The following TPM1 variants were observed in gnomAD, a reference collection of about 807,000 sequenced individuals.
TPM1 encodes tropomyosin alpha-1 chain.
TPM1 carries 24 observed loss-of-function variants against 42.9 expected under a neutral mutation model. The ratio of observed to expected loss-of-function variants is 0.56; its 90% confidence interval spans 0.41 to 0.79. TPM1 has a LOEUF of 0.79. TPM1 is among the 30% of genes least tolerant of loss of function. The pLI, the probability that TPM1 is intolerant of heterozygous loss-of-function variation, is 0.00. For missense variants in TPM1, 158 were observed against 351.8 expected, an observed-to-expected ratio of 0.45 and a Z score of 4.41; for synonymous variants, 136 against 130.1, an observed-to-expected ratio of 1.05 and a Z score of -0.31.
Position 63,042,795 on chromosome 15 carries a change from C to T in TPM1, c.-35C>T. On this transcript the variant is annotated 5_prime_UTR_variant, in exon 1 of 10. Coordinates refer to ENST00000403994, the MANE Select transcript of TPM1 (RefSeq NM_001018005.2). ...CGACCGCGCGCTCGCCCCGCCGCTC[C>T]TGCTGCAGCCCCAGGGCCCCTCGCC... 6.3e-7 allele frequency: 1 copy of T among 1,589,186 alleles called. No homozygotes were observed. The highest frequency in any genetic ancestry group is 1.7e-5 in the Admixed American group (1 of 59,290).
intron 5 of TPM1, 22 bp downstream of exon 5, chr15:63,060,961 A>G: frequency 1.9e-6 from 3 of 1,613,630 alleles, no homozygotes; most frequent in Non-Finnish European, 1.7e-6. Context: ...CGGCGCCAGG[A>G]GGCCACGAAT....
At chr15:63,060,618 C>T (rs2035479867) in intron 4 of TPM1, among the ~76,000 whole-genome samples, 1 of 152,206 alleles carries the variant, frequency 6.6e-6, no homozygotes, top group Non-Finnish European at 1.5e-5. Context: ...GCCGGTTCAC[C>T]TAGGTCAGAC....
downstream of TPM1, among the ~76,000 whole-genome samples, chr15:63,069,179 A>G (rs561892930): frequency 6.9e-4 from 105 of 152,220 alleles, no homozygotes; most frequent in African/African-American, 2.5e-3. Flanking sequence ...AAGCAGATAA[A>G]TTCTAAATCA....
In TPM1 at chr15:63,065,824, G is replaced by T. The variant is rs558169102; in HGVS notation, c.852-72G>T. ...TCAAGTGCTCTCATCTATTGGTTTG[G>T]TTTCCTTTCTTTTTTTTTTTTTTCT... On this transcript the variant is annotated intron_variant, in intron 9 of 9. Transcript: ENST00000403994. 2.4e-5 allele frequency: 36 copies of T among 1,520,978 alleles called. No individual in the cohort carries two copies. In the Middle Eastern group the frequency reaches 5.7e-4, roughly 24 times the overall value. The allele number at this position is 1,520,978 out of a possible 1,614,324, so 94.2% of individuals were successfully genotyped here.
At chr15:63,070,280 C>T (rs2036531655), downstream of TPM1, 1 of 1,020,342 alleles carries the variant, frequency 9.8e-7, no homozygotes, top group African/African-American at 2.3e-5. Flanking sequence ...ATGAGTCCTA[C>T]TTTAAGTATG....
chr15:63,069,561 A>G (rs1165909349), downstream of TPM1, among the ~76,000 whole-genome samples: 1 of 152,120 alleles, frequency 6.6e-6, no homozygotes, highest in South Asian at 2.1e-4. Flanking sequence ...TCAGCTCACA[A>G]AGTGGTTTAG....
chr15:63,068,785 G>C (rs139732396), downstream of TPM1, among the ~76,000 whole-genome samples: 1 of 152,102 alleles, frequency 6.6e-6, no homozygotes, highest in African/African-American at 2.4e-5. Flanking sequence ...TCTTCATGTA[G>C]GTGTTGCAAG....
At chr15:63,061,242 C>G (rs766058944) in intron 5 of TPM1, 4 of 1,614,196 alleles carry the variant, frequency 2.5e-6, no homozygotes, top group Non-Finnish European at 3.4e-6. Context: ...ATGGATCAGA[C>G]CTTGAAAGCA....
At chr15:63,059,186 G>A (rs891468751) in intron 3 of TPM1, among the ~76,000 whole-genome samples, 16 of 152,190 alleles carry the variant, frequency 1.1e-4, no homozygotes, top group Admixed American at 9.8e-4. Flanking sequence ...TGTGCAAGCT[G>A]AGGCTTCCCA....
chr15:63,071,412 AAC>A (rs938227008), exon 9 of TPM1: 163 of 467,236 alleles, frequency 3.5e-4, no homozygotes, highest in African/African-American at 1.3e-3. Context: ...AGAGTTTAGC[AAC>A]ACAGTGTGCT....
Position 63,042,757 on chromosome 15 carries a change from C to T in TPM1, c.-73C>T, listed in dbSNP as rs930569425. 2.7e-5 allele frequency: 35 copies of T among 1,306,376 alleles called. 1 individual carries two copies. Among genetic ancestry groups the T allele is most frequent in the Non-Finnish European group, 3.7e-5 (34 of 916,070 alleles). The allele number at this position is 1,306,376 out of a possible 1,614,324, so 80.9% of individuals were successfully genotyped here. ...AGCAGGCGGCTCCGCGCTCGCACTC[C>T]CGCTCCTCCGCCCGACCGCGCGCTC... On this transcript the variant is annotated 5_prime_UTR_variant, in exon 1 of 10. Coordinates refer to ENST00000403994, the MANE Select transcript of TPM1 (RefSeq NM_001018005.2).
At chr15:63,043,891 TCTCC>T in intron 1 of TPM1, 132 bp from the exon 2 acceptor site, 1 of 1,551,378 alleles carries the variant, frequency 6.4e-7, no homozygotes, top group Non-Finnish European at 8.7e-7. Flanking sequence ...TCTTTCTCTC[TCTCC>T]CTCCCTGTCT....
At position 63,071,192 on chromosome 15, in the gene TPM1, C is replaced by T. The variant is rs1414489603; in HGVS notation, c.*20C>T. Reference sequence around the variant, plus strand: ...ATGTGAAAACCTCCTTAGCTGCGACCACATTCTTTCGTTTTGTTTTGTTTT... The same window carrying T: ...ATGTGAAAACCTCCTTAGCTGCGACTACATTCTTTCGTTTTGTTTTGTTTT... On this transcript the variant is annotated 3_prime_UTR_variant, in exon 9 of 9. Coordinates refer to the TPM1 transcript ENST00000267996. 7.6e-6 allele frequency: 12 copies of T among 1,568,938 alleles called. No homozygotes were observed. The East Asian group carries it at 2.4e-4, about 31-fold the overall frequency.
chr15:63,064,487 C>T, intron 9 of TPM1: 1 of 1,102,074 alleles, frequency 9.1e-7, no homozygotes, highest in Non-Finnish European at 1.1e-6. Context: ...ACAGGAACTT[C>T]TCAAAAAATA....
chr15:63,063,426 C>G (rs1269731455), intron 8 of TPM1: 14 of 964,930 alleles, frequency 1.5e-5, no homozygotes, highest in Non-Finnish European at 1.7e-5. Flanking sequence ...AAGTTGCAGA[C>G]TTGCCATATA....
chr15:63,071,137 C>T, downstream of TPM1: 1 of 1,614,150 alleles, frequency 6.2e-7, no homozygotes, highest in Non-Finnish European at 8.5e-7. Context: ...GCATCAGATG[C>T]TGGATCAGAC....
At chr15:63,071,121 T>C, downstream of TPM1, 1 of 1,614,196 alleles carries the variant, frequency 6.2e-7, no homozygotes, top group Non-Finnish European at 8.5e-7. Context: ...AAGAAAACCT[T>C]AGTATGCATC....
At chr15:63,070,396 A>T, downstream of TPM1, 2 of 996,544 alleles carry the variant, frequency 2.0e-6, no homozygotes, top group East Asian at 1.0e-4. Context: ...AATATGATTA[A>T]ATGTACCTAT....
At chr15:63,057,534 A>C (rs2034998041) in intron 3 of TPM1, among the ~76,000 whole-genome samples, 1 of 152,180 alleles carries the variant, frequency 6.6e-6, no homozygotes, top group South Asian at 2.1e-4. Context: ...ACTGTGGACT[A>C]TCAGTTGTCA....
Sources: allele counts gnomAD v4.1 joint callset (sites outside exome capture counted in the v4.1 genomes callset), GRCh38; gene constraint gnomAD v4.1.1; transcripts MANE v1.5; gene names NCBI Gene and HGNC (gene_info 2026-07-23, HGNC 2026-07-21).